The following XYLT1 variants were observed in gnomAD, a reference collection of about 807,000 sequenced individuals.
XYLT1 encodes beta-D-xylosyltransferase 1.
A neutral mutation model predicts 91.3 loss-of-function variants in XYLT1; 36 were observed. The ratio of observed to expected loss-of-function variants is 0.39; its 90% confidence interval spans 0.30 to 0.52. The LOEUF is 0.52. Among genes scored for constraint, XYLT1 ranks in the 20% least tolerant of loss-of-function variants. XYLT1 has a pLI of 0.68. For missense variants in XYLT1, 1,242 were observed against 1,284.5 expected (o/e 0.97, Z 0.51); for synonymous variants, 588 against 532.0 (o/e 1.11, Z -1.45).
intron 1 of XYLT1, among the ~76,000 whole-genome samples, chr16:17,378,461 C>G (rs10468233): frequency 0.011 from 1,672 of 152,262 alleles, 36 homozygotes; most frequent in African/African-American, 0.038. Flanking sequence ...ATGGATATTT[C>G]CCAAAAGGTG....
chr16:17,274,809 C>T (rs533245093), intron 2 of XYLT1, among the ~76,000 whole-genome samples: 12 of 152,154 alleles, frequency 7.9e-5, no homozygotes, highest in Non-Finnish European at 1.5e-4. Flanking sequence ...ATAATAACAA[C>T]GATCCCAGCT....
intron 3 of XYLT1, among the ~76,000 whole-genome samples, chr16:17,221,491 A>G (rs1359569784): frequency 6.6e-6 from 1 of 152,208 alleles, no homozygotes; most frequent in Non-Finnish European, 1.5e-5. Context: ...AGCATAACCA[A>G]GATCACACAG....
At chr16:17,189,143 C>G (rs2032254100) in intron 5 of XYLT1, among the ~76,000 whole-genome samples, 1 of 152,156 alleles carries the variant, frequency 6.6e-6, no homozygotes, top group African/African-American at 2.4e-5. Context: ...CTTTCCTCCT[C>G]AAAGCACCCC....
chr16:17,314,097 G>A (rs530147904), intron 2 of XYLT1, among the ~76,000 whole-genome samples: 1 of 152,290 alleles, frequency 6.6e-6, no homozygotes, highest in South Asian at 2.1e-4. Context: ...AACCAAACTT[G>A]TCGACTCACT....
At chr16:17,229,215 G>A (rs1469196865) in intron 3 of XYLT1, among the ~76,000 whole-genome samples, 3 of 152,178 alleles carry the variant, frequency 2.0e-5, no homozygotes, top group Non-Finnish European at 4.4e-5. Context: ...CTTCTGAGGT[G>A]AGATTCCAGA....
intron 3 of XYLT1, among the ~76,000 whole-genome samples, chr16:17,247,318 G>A (rs987811491): frequency 3.9e-5 from 6 of 152,066 alleles, no homozygotes; most frequent in Non-Finnish European, 7.4e-5. Context: ...TGTGCTCTTC[G>A]AATCTCCATT....
chr16:17,213,877 A>G (rs1257508776), intron 3 of XYLT1, among the ~76,000 whole-genome samples: 1 of 152,112 alleles, frequency 6.6e-6, no homozygotes, highest in Non-Finnish European at 1.5e-5. Context: ...TCAGCCTCCC[A>G]AAGTGCTGGG....
chr16:17,422,289 T>G (rs2036260199), intron 1 of XYLT1, among the ~76,000 whole-genome samples: 1 of 152,046 alleles, frequency 6.6e-6, no homozygotes. Flanking sequence ...CTCAACCTCC[T>G]GGGATCAAGT....
At chr16:17,112,293 T>C (rs1966843342) in intron 11 of XYLT1, among the ~76,000 whole-genome samples, 1 of 152,088 alleles carries the variant, frequency 6.6e-6, no homozygotes, top group Admixed American at 6.5e-5. Context: ...TTTTACAAAT[T>C]GCATTGCTCC....
intron 2 of XYLT1, among the ~76,000 whole-genome samples, chr16:17,336,942 A>G (rs1567380607): frequency 6.6e-6 from 1 of 152,212 alleles, no homozygotes; most frequent in African/African-American, 2.4e-5. Context: ...GCCCTTGGAA[A>G]AGAAAGGCAT....
intron 5 of XYLT1, among the ~76,000 whole-genome samples, chr16:17,163,760 A>G (rs1408372488): frequency 2.0e-5 from 3 of 152,204 alleles, no homozygotes; most frequent in African/African-American, 4.8e-5. Context: ...AGAAACACAC[A>G]TGAAAGACTA....
intron 5 of XYLT1, among the ~76,000 whole-genome samples, chr16:17,197,294 A>T (rs191713879): frequency 1.0e-3 from 153 of 151,472 alleles, no homozygotes; most frequent in African/African-American, 3.2e-3. Context: ...TGTAGGCGTG[A>T]CTCTCTTTTT....
chr16:17,114,404 T>G (rs1473274671), intron 11 of XYLT1, among the ~76,000 whole-genome samples: 1 of 152,170 alleles, frequency 6.6e-6, no homozygotes, highest in Non-Finnish European at 1.5e-5. Flanking sequence ...TGTCTGATGC[T>G]ACCTCTGGGG....
chr16:17,425,319 A>G (rs1177238381), intron 1 of XYLT1, among the ~76,000 whole-genome samples: 4 of 152,120 alleles, frequency 2.6e-5, no homozygotes, highest in Admixed American at 1.3e-4. Context: ...GTAGGGTGAG[A>G]CCCAGAAGGC....
At chr16:17,211,049 T>C (rs899987482) in intron 3 of XYLT1, among the ~76,000 whole-genome samples, 3 of 152,228 alleles carry the variant, frequency 2.0e-5, no homozygotes, top group African/African-American at 4.8e-5. Context: ...TTTCCACTTA[T>C]GGCCATGATG....
intron 1 of XYLT1, among the ~76,000 whole-genome samples, chr16:17,362,850 C>A (rs1020150282): frequency 1.3e-5 from 2 of 152,286 alleles, no homozygotes; most frequent in East Asian, 3.9e-4. Context: ...GGAACTCACG[C>A]CTTCAGAGCC....
intron 1 of XYLT1, among the ~76,000 whole-genome samples, 172 bp from the exon 2 acceptor site, chr16:17,358,222 C>T (rs1402432877): frequency 6.6e-6 from 1 of 151,728 alleles, no homozygotes; most frequent in African/African-American, 2.4e-5. Flanking sequence ...CAGCCTCGAC[C>T]TCCAGGGCTC....
intron 1 of XYLT1, among the ~76,000 whole-genome samples, chr16:17,412,105 T>C (rs1047492912): frequency 2.0e-5 from 3 of 152,046 alleles, no homozygotes; most frequent in African/African-American, 7.2e-5. Context: ...CATATCAACT[T>C]GATTTGAAGG....
intron 2 of XYLT1, among the ~76,000 whole-genome samples, chr16:17,351,145 T>G (rs1228532402): frequency 2.0e-5 from 3 of 152,218 alleles, no homozygotes; most frequent in African/African-American, 7.2e-5. Flanking sequence ...AAACACATGA[T>G]GTACATGTTC....
Sources: allele counts gnomAD v4.1 joint callset (sites outside exome capture counted in the v4.1 genomes callset), GRCh38; gene constraint gnomAD v4.1.1; transcripts MANE v1.5; gene names NCBI Gene and HGNC (gene_info 2026-07-23, HGNC 2026-07-21).